The following LRCH1 variants were observed in gnomAD, a reference collection of about 807,000 sequenced individuals.
The protein encoded by LRCH1 is leucine rich repeats and calponin homology domain containing 1.
A neutral mutation model predicts 94.9 loss-of-function variants in LRCH1; 23 were observed. That is an observed-to-expected ratio of 0.24 (90% CI 0.17 to 0.34). The LOEUF (loss-of-function observed/expected upper bound fraction) is 0.34. LRCH1 is among the 10% of genes least tolerant of loss of function. The probability of loss-of-function intolerance (pLI) is 1.00; values close to 1 mark genes in which losing one functional copy is unlikely to be tolerated. For missense variants in LRCH1, 790 were observed against 945.9 expected (o/e 0.84, Z 2.16); for synonymous variants, 364 against 354.9 (o/e 1.03, Z -0.29).
rs535524414 is a variant in LRCH1 at position 46,741,942 on chromosome 13, C to T, written c.*94C>T. ...AGCCTTTGCCTTGCAAACTTCCATC[C>T]CTGTCATGTCTTCAGTTATCTCTCG... On this transcript the variant is annotated 3_prime_UTR_variant, in exon 20 of 20. Coordinates refer to ENST00000389797, the MANE Select transcript of LRCH1 (RefSeq NM_001164211.2). 6.3e-7 allele frequency: 1 copy of T among 1,579,848 alleles called. No individual in the cohort carries two copies. Among genetic ancestry groups the T allele is most frequent in the Non-Finnish European group, 8.6e-7 (1 of 1,164,090 alleles).
chr13:46,713,306 G>T (rs1872164589), intron 15 of LRCH1, among the ~76,000 whole-genome samples: 1 of 152,040 alleles, frequency 6.6e-6, no homozygotes, highest in Non-Finnish European at 1.5e-5. Context: ...TTGACTCTTT[G>T]GTATTTAGTC....
At position 46,669,025 on chromosome 13, in the gene LRCH1, T is replaced by C; in HGVS notation, c.453-5T>C. On this transcript the variant is annotated splice_region_variant and splice_polypyrimidine_tract_variant and intron_variant, in intron 2 of 19. Coordinates refer to ENST00000389797, the MANE Select transcript of LRCH1 (RefSeq NM_001164211.2). Reference sequence around the variant, plus strand: ...ACATGTGTTCTTGTTGTATTGTCTTTGCAGTCGAAATCAGCTGTCCGCCCT... The same window carrying C: ...ACATGTGTTCTTGTTGTATTGTCTTCGCAGTCGAAATCAGCTGTCCGCCCT... 6.2e-7 allele frequency: 1 copy of C among 1,614,034 alleles called. No homozygotes were observed.
chr13:46,639,667 G>A (rs768625453), intron 1 of LRCH1, among the ~76,000 whole-genome samples: 5 of 152,122 alleles, frequency 3.3e-5, no homozygotes, highest in Non-Finnish European at 7.3e-5. Context: ...GATTGCTGTT[G>A]GCCTGCTCGG....
chr13:46,612,362 T>C (rs561279072), intron 1 of LRCH1, among the ~76,000 whole-genome samples: 1 of 152,350 alleles, frequency 6.6e-6, no homozygotes, highest in African/African-American at 2.4e-5. Context: ...GGTATGAACA[T>C]ATTAATGAGC....
chr13:46,642,810 C>G (rs1189601970), intron 1 of LRCH1, among the ~76,000 whole-genome samples: 1 of 152,166 alleles, frequency 6.6e-6, no homozygotes, highest in African/African-American at 2.4e-5. Flanking sequence ...GTCTGCTCAC[C>G]TGGCTTTCCC....
chr13:46,628,209 A>G (rs1166753159), intron 1 of LRCH1, among the ~76,000 whole-genome samples: 1 of 152,188 alleles, frequency 6.6e-6, no homozygotes, highest in African/African-American at 2.4e-5. Flanking sequence ...TAACTCATGA[A>G]AATATGCGGG....
At chr13:46,569,275 CTT>C (rs2050216952) in intron 1 of LRCH1, among the ~76,000 whole-genome samples, 1 of 152,198 alleles carries the variant, frequency 6.6e-6, no homozygotes. Flanking sequence ...ATGTCAGACA[CTT>C]TGCAGACACG....
intron 1 of LRCH1, among the ~76,000 whole-genome samples, chr13:46,620,394 T>A (rs1031486249): frequency 2.0e-5 from 3 of 152,114 alleles, no homozygotes; most frequent in Non-Finnish European, 4.4e-5. Context: ...ATTTTGTTCT[T>A]CTTGTTTTTA....
intron 1 of LRCH1, among the ~76,000 whole-genome samples, chr13:46,557,700 G>A (rs1260726403): frequency 1.3e-5 from 2 of 151,750 alleles, no homozygotes; most frequent in Non-Finnish European, 2.9e-5. Flanking sequence ...AACATTAGCC[G>A]GGCATGGTGG....
At chr13:46,681,581 C>T (rs1396456659) in intron 3 of LRCH1, among the ~76,000 whole-genome samples, 160 bp from the exon 4 acceptor site, 3 of 152,208 alleles carry the variant, frequency 2.0e-5, no homozygotes, top group Non-Finnish European at 4.4e-5. Flanking sequence ...TCAGCTTTCT[C>T]TTCTCTGTGC....
chr13:46,734,714 A>AGGCC (rs1873284371), intron 19 of LRCH1, among the ~76,000 whole-genome samples: 2 of 152,226 alleles, frequency 1.3e-5, no homozygotes, highest in Non-Finnish European at 2.9e-5. Context: ...GGCAGACAGG[A>AGGCC]GGCCATCCAC....
chr13:46,624,976 T>A (rs2050927014), intron 1 of LRCH1, among the ~76,000 whole-genome samples: 3 of 152,230 alleles, frequency 2.0e-5, no homozygotes, highest in Non-Finnish European at 4.4e-5. Context: ...GTAGCCTGCA[T>A]CCTCAGGGTT....
intron 16 of LRCH1, among the ~76,000 whole-genome samples, chr13:46,720,137 A>G (rs1451324788): frequency 2.0e-5 from 3 of 152,158 alleles, no homozygotes; most frequent in African/African-American, 7.2e-5. Flanking sequence ...CTGTAATCCC[A>G]GCACTTTGGG....
At chr13:46,567,665 T>G (rs942553274) in intron 1 of LRCH1, among the ~76,000 whole-genome samples, 1 of 152,180 alleles carries the variant, frequency 6.6e-6, no homozygotes, top group Non-Finnish European at 1.5e-5. Flanking sequence ...CTTGTATCTA[T>G]ACAGTACTGT....
intron 1 of LRCH1, among the ~76,000 whole-genome samples, chr13:46,612,446 TA>T (rs1384582061): frequency 6.6e-6 from 1 of 152,232 alleles, no homozygotes; most frequent in Non-Finnish European, 1.5e-5. Context: ...TGACATGACA[TA>T]ATGCTGTGCC....
intron 1 of LRCH1, among the ~76,000 whole-genome samples, chr13:46,624,463 A>G (rs1356033604): frequency 6.6e-6 from 1 of 152,212 alleles, no homozygotes; most frequent in Non-Finnish European, 1.5e-5. Context: ...CTACTCATTA[A>G]GACGGGGCTA....
intron 1 of LRCH1, among the ~76,000 whole-genome samples, chr13:46,619,894 A>G (rs1056764099): frequency 1.3e-5 from 2 of 152,172 alleles, no homozygotes; most frequent in African/African-American, 4.8e-5. Flanking sequence ...TACTACCAGT[A>G]ACTCATTTTC....
rs2138219272 is a variant in LRCH1 at position 46,723,275 on chromosome 13, G to A, written c.1814G>A (p.Arg605Gln). 7 of 1,613,836 alleles carry A rather than the reference G, an allele frequency of 4.3e-6. No individual in the cohort carries two copies. The highest frequency in any genetic ancestry group is 1.3e-5 in the African/African-American group (1 of 75,034). ...LESIDPQFTI[R>Q]RKMEQMREEK... ...TCTATAGACCCGCAGTTTACAATCC[G>A]GAGGAAAATGGAGCAGATGAGAGAA... The change falls in exon 17 of 20, where the codon CGG (arginine) becomes CAG (glutamine). Residue 605 changes from arginine (R) to glutamine (Q), a missense_variant. By Grantham distance (43) the Arg-to-Gln change is conservative (BLOSUM62 1). Coordinates refer to ENST00000389797, the MANE Select transcript of LRCH1 (RefSeq NM_001164211.2).
intron 1 of LRCH1, among the ~76,000 whole-genome samples, chr13:46,558,324 A>G (rs1274416806): frequency 2.6e-5 from 4 of 152,116 alleles, no homozygotes; most frequent in Admixed American, 2.6e-4. Flanking sequence ...GATGCTTAGG[A>G]AAGACTTTGA....
Sources: allele counts gnomAD v4.1 joint callset (sites outside exome capture counted in the v4.1 genomes callset), GRCh38; gene constraint gnomAD v4.1.1; transcripts MANE v1.5; gene names NCBI Gene and HGNC (gene_info 2026-07-23, HGNC 2026-07-21).